The following ZCCHC4 variants were observed in gnomAD, a reference collection of about 807,000 sequenced individuals.
ZCCHC4 encodes zinc finger CCHC-type containing 4.
A neutral mutation model predicts 67.7 loss-of-function variants in ZCCHC4; 54 were observed. The ratio of observed to expected loss-of-function variants is 0.80; its 90% CI spans 0.64 to 1.00. ZCCHC4 has a LOEUF of 1.00. Among genes scored for constraint, ZCCHC4 ranks in the 50% least tolerant of loss-of-function variants. ZCCHC4 has a pLI of 0.00. For missense variants in ZCCHC4, 609 were observed against 617.0 expected (o/e 0.99, Z 0.14); for synonymous variants, 198 against 213.5 (o/e 0.93, Z 0.63).
At chr4:25,339,972 C>T (rs1279738556) in intron 5 of ZCCHC4, among the ~76,000 whole-genome samples, 2 of 151,814 alleles carry the variant, frequency 1.3e-5, no homozygotes, top group East Asian at 1.9e-4. Flanking sequence ...AGCTTTGCAC[C>T]ATTCTCCTGC....
At chr4:25,339,411 T>G (rs1719620001) in intron 5 of ZCCHC4, among the ~76,000 whole-genome samples, 1 of 152,246 alleles carries the variant, frequency 6.6e-6, no homozygotes, top group Non-Finnish European at 1.5e-5. Context: ...ACCAGGAATA[T>G]ATGAGGTTTC....
At chr4:25,344,738 C>T (rs1719923241) in intron 5 of ZCCHC4, among the ~76,000 whole-genome samples, 1 of 150,948 alleles carries the variant, frequency 6.6e-6, no homozygotes, top group Admixed American at 6.6e-5. Context: ...CATATACTTT[C>T]TCTATTATAT....
At chr4:25,366,720 C>G (rs754209304) in intron 12 of ZCCHC4, among the ~76,000 whole-genome samples, 10 of 152,208 alleles carry the variant, frequency 6.6e-5, no homozygotes, top group Admixed American at 1.3e-4. Context: ...CAGTGTGATT[C>G]TGTGTGGTAG....
At chr4:25,365,201 AT>A in intron 12 of ZCCHC4, 35 bp downstream of exon 12, 1 of 1,611,916 alleles carries the variant, frequency 6.2e-7, no homozygotes. Flanking sequence ...AATGTATTCC[AT>A]CTGTGTTTTA....
rs748456903 is a variant in ZCCHC4, at chr4:25,351,694, A to C, written c.1011+5A>C. 6.2e-7 allele frequency: 1 copy of C among 1,600,120 alleles called. No individual in the cohort carries two copies. Among genetic ancestry groups the C allele is most frequent in the South Asian group, 1.1e-5 (1 of 89,756 alleles). ...TTCCAGATGCTGGATTACCAGGTAG[A>C]GTACATATTCTGTTTTCTGGCATGG... is the stretch of plus-strand genomic sequence containing the variant. On this transcript the variant is annotated splice_donor_5th_base_variant and intron_variant, in intron 8 of 12. Coordinates refer to ENST00000302874, the MANE Select transcript of ZCCHC4 (RefSeq NM_024936.3).
intron 3 of ZCCHC4, among the ~76,000 whole-genome samples, chr4:25,332,647 CTTG>C (rs1006748287): frequency 1.3e-5 from 2 of 152,050 alleles, no homozygotes; most frequent in Admixed American, 6.5e-5. Flanking sequence ...TGAATATTGT[CTTG>C]TTGTTTTGGA....
rs1222565170 is a variant in ZCCHC4, at chr4:25,328,425, A to C, written c.330-4758A>C. ...CAGCTAATTTTTGTATTTTTCGTAG[A>C]GATGGGGTTTTGCCATATTGGCCAG... On this transcript the variant is annotated intron_variant, in intron 3 of 12. Transcript: ENST00000302874. 2.0e-5 allele frequency among the ~76,000 whole-genome samples: 3 copies of C among 152,176 alleles called. No individual in the cohort carries two copies. In the East Asian group the frequency reaches 5.8e-4, roughly 29 times the overall value.
At chr4:25,364,576 T>A (rs1720870794) in intron 11 of ZCCHC4, 71 bp downstream of exon 11, 26 of 1,307,960 alleles carry the variant, frequency 2.0e-5, no homozygotes, top group Non-Finnish European at 2.5e-5. Flanking sequence ...TAAATAGATT[T>A]TTCATTGGAT....
chr4:25,354,321 C>T (rs1024917014), intron 8 of ZCCHC4, among the ~76,000 whole-genome samples: 2 of 152,158 alleles, frequency 1.3e-5, no homozygotes, highest in African/African-American at 4.8e-5. Flanking sequence ...AATAATTATG[C>T]ACTTCAGTGT....
chr4:25,328,842 C>G (rs1176290604), intron 3 of ZCCHC4, among the ~76,000 whole-genome samples: 1 of 152,186 alleles, frequency 6.6e-6, no homozygotes, highest in Non-Finnish European at 1.5e-5. Context: ...CTTGGCCTCC[C>G]AAAGTGTTAG....
At chr4:25,339,265 C>T (rs549336562) in intron 5 of ZCCHC4, among the ~76,000 whole-genome samples, 66 of 152,260 alleles carry the variant, frequency 4.3e-4, no homozygotes, top group Non-Finnish European at 8.5e-4. Flanking sequence ...AGGGCTTCAA[C>T]ATAAGGATTT....
chr4:25,349,688 C>T (rs967238116), intron 7 of ZCCHC4, 46 bp downstream of exon 7: 1 of 1,578,538 alleles, frequency 6.3e-7, no homozygotes. Flanking sequence ...TATATATCTA[C>T]TTCCTGTCAA....
In ZCCHC4 at chr4:25,321,529, C is replaced by A. The variant is rs968497413; in HGVS notation, c.329+6129C>A. Among the ~76,000 whole-genome samples the A allele has an allele frequency of 2.2e-4, 34 of 151,572 alleles. 1 individual carries two copies. The highest frequency in any genetic ancestry group is 2.6e-4 in the Admixed American group (4 of 15,236). ...CTGGGATTACAGGCTCCCGCCACCA[C>A]GCCCAGCTAATTTTTGTATTTTTAG... On this transcript the variant is annotated intron_variant, in intron 3 of 12. Transcript: ENST00000302874.
At chr4:25,324,624 A>T (rs1018715282) in intron 3 of ZCCHC4, among the ~76,000 whole-genome samples, 12 of 152,196 alleles carry the variant, frequency 7.9e-5, no homozygotes, top group Non-Finnish European at 1.6e-4. Flanking sequence ...TTTTTCCAAA[A>T]CTGCCAAACT....
At chr4:25,318,789 ATT>A (rs200005317) in intron 3 of ZCCHC4, among the ~76,000 whole-genome samples, 3 of 106,190 alleles carry the variant, frequency 2.8e-5, no homozygotes, top group Non-Finnish European at 7.1e-5. Flanking sequence ...CCAAAAGGTT[ATT>A]TTTTTTGGGG....
At chr4:25,347,855 C>T (rs756190992) in intron 6 of ZCCHC4, among the ~76,000 whole-genome samples, 26 of 152,030 alleles carry the variant, frequency 1.7e-4, no homozygotes, top group Admixed American at 4.6e-4. Flanking sequence ...ATTAAATTGC[C>T]GGGCACTTTT....
chr4:25,365,871 T>G, intron 12 of ZCCHC4: 1 of 985,330 alleles, frequency 1.0e-6, no homozygotes, highest in Non-Finnish European at 1.2e-6. Flanking sequence ...TTTGAATGAT[T>G]ATACTTTTTT....
intron 4 of ZCCHC4, 38 bp downstream of exon 4, chr4:25,333,496 C>T (rs1287295089): frequency 1.9e-6 from 3 of 1,601,414 alleles, no homozygotes; most frequent in South Asian, 1.1e-5. Flanking sequence ...ATCTTCTCAC[C>T]ACTATTGAAA....
In ZCCHC4 at chr4:25,359,197, G is replaced by C. The variant is rs1720628113; in HGVS notation, c.1012-2662G>C. Among the ~76,000 whole-genome samples, 1 of 152,226 alleles carries C rather than the reference G, an allele frequency of 6.6e-6. No individual in the cohort carries two copies. Among genetic ancestry groups the C allele is most frequent in the Admixed American group, 6.5e-5 (1 of 15,288 alleles). ...CATGGAGAAGGTACTGAAGCAGCTA[G>C]AAATGCAGAGCACTGAGAAGGAATG... is the stretch of plus-strand genomic sequence containing the variant. On this transcript the variant is annotated intron_variant, in intron 8 of 12. Coordinates refer to ENST00000302874, the MANE Select transcript of ZCCHC4 (RefSeq NM_024936.3). The surrounding 1 kb of genome is among the most constrained non-coding windows in gnomAD (Gnocchi z 4.9).
Sources: allele counts gnomAD v4.1 joint callset (sites outside exome capture counted in the v4.1 genomes callset), GRCh38; gene constraint gnomAD v4.1.1; non-coding constraint Gnocchi (gnomAD v3.1); transcripts MANE v1.5; gene names NCBI Gene and HGNC (gene_info 2026-07-23, HGNC 2026-07-21).